TMEM145: variants seen among roughly 807,000 people sequenced by gnomAD.
TMEM145 encodes transmembrane protein 145.
TMEM145 carries 46 observed loss-of-function variants against 68.5 expected under a neutral mutation model. The ratio of observed to expected loss-of-function variants is 0.67; its 90% confidence interval spans 0.53 to 0.86. The LOEUF is 0.86. Ranked by LOEUF, TMEM145 falls within the 40% of genes least tolerant of loss-of-function variation. The pLI is 0.00. For missense variants in TMEM145, 570 were observed against 645.8 expected (o/e 0.88, Z 1.27); for synonymous variants, 255 against 280.2 (o/e 0.91, Z 0.90).
In TMEM145 at chr19:42,314,265, T is replaced by C. The variant is rs1356494656; in HGVS notation, c.121-7T>C. The C allele has an allele frequency of 6.2e-7, 1 of 1,613,798 alleles. No individual in the cohort carries two copies. The highest frequency in any genetic ancestry group is 1.7e-5 in the Admixed American group (1 of 59,972). The stretch of plus-strand genomic sequence containing the variant: ...CAGCGGAGGGTCAGACTGGGCCCCT[T>C]TTTCAGGACTGGGTGTTCCTGACAA... On this transcript the variant is annotated splice_polypyrimidine_tract_variant and splice_region_variant and intron_variant, in intron 1 of 14. Transcript: ENST00000301204.
intron 2 of TMEM145, 45 bp downstream of exon 2, chr19:42,314,391 C>T (rs1385855993): frequency 1.2e-6 from 2 of 1,613,992 alleles, no homozygotes; most frequent in Non-Finnish European, 8.5e-7. Context: ...GGGTACTTCC[C>T]TTGGCCTCCA....
chr19:42,324,080 C>T (rs1031708233), intron 14 of TMEM145, among the ~76,000 whole-genome samples: 3 of 151,874 alleles, frequency 2.0e-5, no homozygotes, highest in African/African-American at 7.3e-5. Flanking sequence ...CGCCGGAGTT[C>T]GCCCCGCGCG....
chr19:42,316,449 T>C (rs1384729017), intron 8 of TMEM145, 32 bp from the exon 9 acceptor site: 7 of 1,605,394 alleles, frequency 4.4e-6, no homozygotes, highest in Non-Finnish European at 6.0e-6. Context: ...AGCTGCTTTC[T>C]ATCCTTTCTT....
intron 14 of TMEM145, 84 bp from the exon 15 acceptor site, chr19:42,324,653 C>T: frequency 7.8e-7 from 1 of 1,285,486 alleles, no homozygotes; most frequent in African/African-American, 1.6e-5. Context: ...CCCGCGCGCC[C>T]AGGTTGGGTA....
Position 42,323,656 on chromosome 19 carries a change from G to C in TMEM145, c.1268G>C (p.Gly423Ala). The change falls in exon 14 of 15, where the codon GGA becomes GCA. Residue 423 changes from glycine to alanine, a missense_variant. Coordinates refer to ENST00000301204, the MANE Select transcript of TMEM145 (RefSeq NM_173633.3). Reference protein sequence around the residue: ...HVRTSQIASAGVPGPGGSQSA... With the variant: ...HVRTSQIASAAVPGPGGSQSA... ...CGCACGTCGCAGATCGCTTCAGCCG[G>C]AGTCCCTGGACCCGGAGGGAGCCAA... 1 of 1,614,156 alleles carries C rather than the reference G, an allele frequency of 6.2e-7. No individual in the cohort carries two copies. The highest frequency in any genetic ancestry group is 8.5e-7 in the Non-Finnish European group (1 of 1,180,022).
At position 42,314,599 on chromosome 19, in the gene TMEM145, C is replaced by T. The variant is rs199684086; in HGVS notation, c.274-14C>T. ...TGCTGGCCGGGGGAGTGACCCTGTCCCTGCCTTCCCCAGGACTGCCTGGCC... is the reference window on the plus strand; with the variant it reads ...TGCTGGCCGGGGGAGTGACCCTGTCTCTGCCTTCCCCAGGACTGCCTGGCC... On this transcript the variant is annotated splice_polypyrimidine_tract_variant and intron_variant, in intron 3 of 14. Transcript: ENST00000301204. The T allele has an allele frequency of 6.2e-7, 1 of 1,614,014 alleles. No individual in the cohort carries two copies. The highest frequency in any genetic ancestry group is 8.5e-7 in the Non-Finnish European group (1 of 1,180,020).
At chr19:42,315,741 C>T (rs748046816) in intron 8 of TMEM145, among the ~76,000 whole-genome samples, 5 of 150,390 alleles carry the variant, frequency 3.3e-5, no homozygotes, top group Non-Finnish European at 5.9e-5. Flanking sequence ...AGTATAAAGG[C>T]CGGAACTAGG....
Position 42,315,452 on chromosome 19 carries a change from T to C in TMEM145, c.646+12T>C, listed in dbSNP as rs753221349. Reference sequence around the variant, plus strand: ...AGCAGGAGTAGAGGGTGAGGTTCCGTGTCCCAACTTTTGGGTTCTGAAAGA... The same window carrying C: ...AGCAGGAGTAGAGGGTGAGGTTCCGCGTCCCAACTTTTGGGTTCTGAAAGA... On this transcript the variant is annotated intron_variant, in intron 8 of 14. Coordinates refer to ENST00000301204, the MANE Select transcript of TMEM145 (RefSeq NM_173633.3). 3.7e-6 allele frequency: 6 copies of C among 1,613,954 alleles called. No individual in the cohort carries two copies. Among genetic ancestry groups the C allele is most frequent in the Non-Finnish European group, 5.1e-6 (6 of 1,180,004 alleles).
intron 14 of TMEM145, 26 bp from the exon 15 acceptor site, chr19:42,324,711 G>A (rs771864677): frequency 6.8e-7 from 1 of 1,462,182 alleles, no homozygotes; most frequent in Non-Finnish European, 9.0e-7. Flanking sequence ...TCCCGCGGGA[G>A]CCGCTCTCCC....
chr19:42,317,294 C>G (rs1263727971), intron 11 of TMEM145, among the ~76,000 whole-genome samples: 4 of 152,230 alleles, frequency 2.6e-5, no homozygotes, highest in Non-Finnish European at 5.9e-5. Context: ...ACCCCTGTCT[C>G]TGGGCCCATT....
Position 42,323,802 on chromosome 19 carries a change from G to T in TMEM145, c.1401+13G>T, listed in dbSNP as rs2038935624. The stretch of plus-strand genomic sequence containing the variant: ...GCCCGCCACCTCCGTAAGCCCCGCG[G>T]CCCCAGCGCCCGAGGAGCTGCTGGC... On this transcript the variant is annotated intron_variant, in intron 14 of 14. Transcript: ENST00000301204. 1 of 1,611,458 alleles carries T rather than the reference G, an allele frequency of 6.2e-7. No homozygotes were observed. Among genetic ancestry groups the T allele is most frequent in the Non-Finnish European group, 8.5e-7 (1 of 1,178,484 alleles).
chr19:42,324,124 T>C (rs1365199247), intron 14 of TMEM145, among the ~76,000 whole-genome samples: 1 of 150,714 alleles, frequency 6.6e-6, no homozygotes, highest in South Asian at 2.1e-4. Context: ...CTGGCCCCGC[T>C]GCCCAGGCGC....
At position 42,315,063 on chromosome 19, in the gene TMEM145, C is replaced by T; in HGVS notation, c.491C>T (p.Ser164Phe). Reference protein sequence around the residue: ...NGKSFWTRHFSADEFGILETD... With the variant: ...NGKSFWTRHFFADEFGILETD... ...AAGTCCTTCTGGACACGACACTTCT[C>T]CGCTGATGAGTTTGGTGAGCACGTG... is the stretch of plus-strand genomic sequence containing the variant. The change falls in exon 6 of 15, where the codon TCC becomes TTC. Residue 164 changes from serine (S) to phenylalanine (F), a missense_variant. Coordinates refer to ENST00000301204, the MANE Select transcript of TMEM145 (RefSeq NM_173633.3). 3.7e-6 allele frequency: 6 copies of T among 1,614,198 alleles called. No homozygotes were observed. Among genetic ancestry groups the T allele is most frequent in the Non-Finnish European group, 5.1e-6 (6 of 1,180,030 alleles).
At position 42,313,431 on chromosome 19, in the gene TMEM145, C is replaced by CT. The variant is rs1416456371; in HGVS notation, c.56dup (p.Leu20AlafsTer46). 1.4e-6 allele frequency: 2 copies of CT among 1,380,442 alleles called. No individual in the cohort carries two copies. The highest frequency in any genetic ancestry group is 3.1e-5 in the East Asian group (1 of 32,662). The allele number at this position is 1,380,442 out of a possible 1,614,324, so 85.5% of individuals were successfully genotyped here. A position where few individuals can be genotyped will look rare whatever the true frequency, so the allele number is the denominator to read the frequency against. ...CCGCCTGCTGCCGCCGCTGCTGCTC[C>CT]TGCTGCTGTCACTGCCCCCCCGCGC... On this transcript the variant is annotated frameshift_variant, in exon 1 of 15. Coordinates refer to ENST00000301204, the MANE Select transcript of TMEM145 (RefSeq NM_173633.3). LOFTEE classifies it high-confidence loss of function. The surrounding 1 kb of genome is among the most constrained non-coding windows in gnomAD (Gnocchi z 5.1).
In TMEM145 at chr19:42,324,724, TC is replaced by T; in HGVS notation, c.1402-9del. 7.4e-7 allele frequency: 1 copy of T among 1,352,458 alleles called. No individual in the cohort carries two copies. The highest frequency in any genetic ancestry group is 1.3e-5 in the South Asian group (1 of 75,372). The allele number at this position is 1,352,458 out of a possible 1,614,324, so 83.8% of individuals were successfully genotyped here. A position where few individuals can be genotyped will look rare whatever the true frequency, so the allele number is the denominator to read the frequency against. On this transcript the variant is annotated splice_polypyrimidine_tract_variant and intron_variant, in intron 14 of 14. Coordinates refer to ENST00000301204, the MANE Select transcript of TMEM145 (RefSeq NM_173633.3). ...GGTCCCGCGGGAGCCGCTCTCCCCG[TC>T]CCCTCCCTCAGCCCCTGCCCCGAGC...
chr19:42,315,110 CTG>C, intron 6 of TMEM145, 33 bp downstream of exon 6: 1 of 1,614,204 alleles, frequency 6.2e-7, no homozygotes. Context: ...ACCAGGCTCT[CTG>C]TGGGACACCA....
At position 42,324,879 on chromosome 19, in the gene TMEM145, C is replaced by T. The variant is rs971801099; in HGVS notation, c.*62C>T. On this transcript the variant is annotated 3_prime_UTR_variant, in exon 15 of 15. Transcript: ENST00000301204. ...GGACCCTGCCTGTGACTCTCCAGGA[C>T]TCTGCGACCCCGGGATGGATATTGC... is the stretch of plus-strand genomic sequence containing the variant. 1.4e-6 allele frequency: 2 copies of T among 1,429,150 alleles called. No homozygotes were observed. The highest frequency in any genetic ancestry group is 9.1e-7 in the Non-Finnish European group (1 of 1,094,028). 88.5% of individuals were successfully genotyped at this position (1,429,150 alleles called of 1,614,324 possible).
intron 14 of TMEM145, 172 bp from the exon 15 acceptor site, chr19:42,324,565 G>A: frequency 2.0e-6 from 2 of 985,228 alleles, no homozygotes; most frequent in Non-Finnish European, 2.4e-6. Context: ...CCATGACCGG[G>A]CCCCGGCCGG....
At chr19:42,317,123 C>T (rs916711258) in intron 11 of TMEM145, among the ~76,000 whole-genome samples, 160 bp downstream of exon 11, 4 of 152,222 alleles carry the variant, frequency 2.6e-5, no homozygotes, top group African/African-American at 9.7e-5. Context: ...TAAGTGATTC[C>T]TCCTCTCTTC....
Sources: allele counts gnomAD v4.1 joint callset (sites outside exome capture counted in the v4.1 genomes callset), GRCh38; gene constraint gnomAD v4.1.1; non-coding constraint Gnocchi (gnomAD v3.1); transcripts MANE v1.5; gene names NCBI Gene and HGNC (gene_info 2026-07-23, HGNC 2026-07-21).